ZNF487: variants seen among roughly 807,000 people sequenced by gnomAD.
ZNF487 encodes KRAB domain only 1.
A neutral mutation model predicts 3.0 loss-of-function variants in ZNF487; 4 were observed. That is an observed-to-expected ratio of 1.35 (90% CI 0.66 to 3.08). The LOEUF (loss-of-function observed/expected upper bound fraction) is 3.08, where lower values mean the gene tolerates loss of function less well. ZNF487 is among the 30% of genes most tolerant of loss of function. ZNF487 has a pLI of 0.01. For synonymous variants in ZNF487, 55 were observed against 34.6 expected, an observed-to-expected ratio of 1.59 and a Z score of -2.06; for missense variants, 146 against 98.7, an observed-to-expected ratio of 1.48 and a Z score of -2.03.
chr10:43,484,451 C>CA (rs1380911420), downstream of ZNF487, among the ~76,000 whole-genome samples: 10 of 151,702 alleles, frequency 6.6e-5, no homozygotes, highest in Non-Finnish European at 1.3e-4. Context: ...TACTAAAATA[C>CA]AAAAAATTAG....
intron 1 of ZNF487, among the ~76,000 whole-genome samples, chr10:43,474,535 C>T (rs1226746975): frequency 1.3e-5 from 2 of 152,212 alleles, no homozygotes; most frequent in Admixed American, 6.5e-5. Context: ...TGTGAATGTA[C>T]TCCAGCATGG....
chr10:43,444,716 A>G (rs2132040133), intron 1 of ZNF487, among the ~76,000 whole-genome samples: 1 of 152,178 alleles, frequency 6.6e-6, no homozygotes, highest in Admixed American at 6.6e-5. Context: ...CCACAGGCGC[A>G]CACCACTCCA....
At chr10:43,448,505 AT>A (rs1839893845) in intron 1 of ZNF487, among the ~76,000 whole-genome samples, 3 of 151,694 alleles carry the variant, frequency 2.0e-5, no homozygotes, top group Non-Finnish European at 4.4e-5. Context: ...GTATATGTGG[AT>A]TTTTTTCTTT....
At chr10:43,450,880 A>G (rs992312852) in intron 1 of ZNF487, among the ~76,000 whole-genome samples, 2 of 152,174 alleles carry the variant, frequency 1.3e-5, no homozygotes, top group Non-Finnish European at 2.9e-5. Flanking sequence ...CACTATGGTG[A>G]TCCTACTAGT....
chr10:43,443,353 C>G (rs1302547680), intron 1 of ZNF487, among the ~76,000 whole-genome samples: 1 of 150,468 alleles, frequency 6.6e-6, no homozygotes, highest in African/African-American at 2.4e-5. Context: ...CCTGAGCTAT[C>G]CTGCTGGGCC....
At chr10:43,461,064 TGGCGTGATCTC>T (rs1216672389) in intron 1 of ZNF487, among the ~76,000 whole-genome samples, 2 of 151,558 alleles carry the variant, frequency 1.3e-5, no homozygotes, top group Non-Finnish European at 2.9e-5. Context: ...TGGAGTGCAA[TGGCGTGATCTC>T]GGCTCACTGC....
downstream of ZNF487, among the ~76,000 whole-genome samples, chr10:43,485,050 T>C (rs1419562805): frequency 1.3e-5 from 2 of 152,208 alleles, no homozygotes; most frequent in Non-Finnish European, 2.9e-5. Context: ...TTTTAGGAAG[T>C]TGGATCCAGG....
At chr10:43,459,088 A>C (rs116801918) in intron 1 of ZNF487, among the ~76,000 whole-genome samples, 2,021 of 152,088 alleles carry the variant, frequency 0.013, 36 homozygotes, top group African/African-American at 0.045. Flanking sequence ...CTCATGTTTA[A>C]TCTCCCTAAA....
intron 1 of ZNF487, 131 bp from the exon 2 acceptor site, chr10:43,475,590 A>G (rs1841066939): frequency 1.5e-6 from 1 of 669,522 alleles, no homozygotes; most frequent in South Asian, 1.7e-5. Flanking sequence ...TATAATATCA[A>G]TAGTAGGCAT....
At chr10:43,465,371 G>T (rs1394285421) in intron 1 of ZNF487, among the ~76,000 whole-genome samples, 2 of 148,902 alleles carry the variant, frequency 1.3e-5, no homozygotes, top group Admixed American at 1.3e-4. Context: ...GCCGGGCGGA[G>T]GGGCTCCTCA....
At chr10:43,515,278 A>G in the ZNF487 span, among the ~76,000 whole-genome samples, 1 of 152,258 alleles carries the variant, frequency 6.6e-6, no homozygotes, top group Non-Finnish European at 1.5e-5. Flanking sequence ...GACTTTAGTT[A>G]TAGGTCTAGA....
At chr10:43,465,167 A>ATCCC (rs1840636888) in intron 1 of ZNF487, among the ~76,000 whole-genome samples, 1 of 102,752 alleles carries the variant, frequency 9.7e-6, no homozygotes, top group African/African-American at 3.8e-5. Context: ...CCCTCCCGGA[A>ATCCC]GGGGCGGCTG....
chr10:43,506,390 G>A, the ZNF487 span, among the ~76,000 whole-genome samples: 1 of 152,136 alleles, frequency 6.6e-6, no homozygotes, highest in Non-Finnish European at 1.5e-5. Context: ...TGTAGTCCCA[G>A]CTACTTGGGA....
chr10:43,464,181 TC>T (rs1840555749), intron 1 of ZNF487, among the ~76,000 whole-genome samples: 2 of 150,470 alleles, frequency 1.3e-5, no homozygotes, highest in Non-Finnish European at 3.0e-5. Context: ...ACTTTTTTTT[TC>T]TTTTTTTTTT....
chr10:43,489,113 A>G, the ZNF487 span, among the ~76,000 whole-genome samples: 2 of 152,154 alleles, frequency 1.3e-5, no homozygotes, highest in Admixed American at 1.3e-4. Flanking sequence ...AAGAAAAACC[A>G]AAACAAAAAC....
At chr10:43,490,577 T>G in the ZNF487 span, among the ~76,000 whole-genome samples, 7 of 125,558 alleles carry the variant, frequency 5.6e-5, no homozygotes, top group Non-Finnish European at 1.1e-4. Context: ...TGGCACAATC[T>G]TGGCTCACTG....
chr10:43,444,449 T>C (rs1035736107), intron 1 of ZNF487, among the ~76,000 whole-genome samples: 4 of 152,184 alleles, frequency 2.6e-5, no homozygotes, highest in African/African-American at 9.7e-5. Context: ...TATGAAGCAG[T>C]ACCCTGAACT....
chr10:43,509,800 A>G, the ZNF487 span, among the ~76,000 whole-genome samples: 6 of 151,962 alleles, frequency 3.9e-5, no homozygotes, highest in African/African-American at 1.4e-4. Flanking sequence ...TTCTTTGGCA[A>G]CCCCCTCACA....
intron 1 of ZNF487, chr10:43,457,997 G>A (rs1840281606): frequency 6.6e-6 from 1 of 152,208 alleles, no homozygotes. Context: ...ACTCCAGCCT[G>A]GGTAACAGAG....
Sources: allele counts gnomAD v4.1 joint callset (sites outside exome capture counted in the v4.1 genomes callset), GRCh38; gene constraint gnomAD v4.1.1; transcripts MANE v1.5; gene names NCBI Gene and HGNC (gene_info 2026-07-23, HGNC 2026-07-21).